DIAPH2: variants seen among roughly 807,000 people sequenced by gnomAD.
DIAPH2 encodes diaphanous related formin 2.
In DIAPH2, 35 loss-of-function variants were observed where a neutral mutation model predicts 92.7. That is an observed-to-expected ratio of 0.38 (90% CI 0.29 to 0.50). The LOEUF is 0.50. Ranked by LOEUF, DIAPH2 falls within the 20% of genes least tolerant of loss-of-function variation. The pLI is 0.94. For missense variants in DIAPH2, 701 were observed against 819.5 expected, an observed-to-expected ratio of 0.86 and a Z score of 1.77; for synonymous variants, 301 against 280.4, an observed-to-expected ratio of 1.07 and a Z score of -0.73.
intron 20 of DIAPH2, among the ~76,000 whole-genome samples, chrX:97,112,307 A>G (rs2066985876): frequency 9.0e-6 from 1 of 111,511 alleles, no homozygotes; most frequent in Admixed American, 9.6e-5. Context: ...CATGGTCACT[A>G]GTAGCTGCTC....
At chrX:96,997,139 A>G (rs911960162) in intron 17 of DIAPH2, among the ~76,000 whole-genome samples, 3 of 111,838 alleles carry the variant, frequency 2.7e-5, no homozygotes, top group African/African-American at 9.7e-5. Context: ...TGTAAAAAAA[A>G]TCTTGGGATT....
Position 96,877,720 on chromosome X carries a change from C to A in DIAPH2, c.448-3859C>A, listed in dbSNP as rs373245857. 6.2e-5 allele frequency among the ~76,000 whole-genome samples: 7 copies of A among 112,307 alleles called. No individual in the cohort carries two copies. The East Asian group carries it at 1.7e-3, about 27-fold the overall frequency. ...TCTTTCTTAGAATATTGCTTCTCTGCTGTTGATTTTAACATTTCATATCAG... is the reference window on the plus strand; with the variant it reads ...TCTTTCTTAGAATATTGCTTCTCTGATGTTGATTTTAACATTTCATATCAG... On this transcript the variant is annotated intron_variant, in intron 4 of 26. Coordinates refer to ENST00000324765, the MANE Select transcript of DIAPH2 (RefSeq NM_006729.5).
intron 26 of DIAPH2, among the ~76,000 whole-genome samples, chrX:97,579,786 C>A (rs1199082432): frequency 5.4e-5 from 6 of 110,564 alleles, no homozygotes; most frequent in Non-Finnish European, 9.4e-5. Flanking sequence ...GATATTGATT[C>A]TTCCTAACCA....
chrX:97,468,362 T>C (rs1449381968), intron 26 of DIAPH2, among the ~76,000 whole-genome samples: 1 of 111,551 alleles, frequency 9.0e-6, no homozygotes, highest in African/African-American at 3.3e-5. Flanking sequence ...TTAGCCCCAG[T>C]ATTTTACCAC....
intron 22 of DIAPH2, among the ~76,000 whole-genome samples, chrX:97,144,302 C>T (rs1023284675): frequency 8.1e-5 from 9 of 110,965 alleles, no homozygotes; most frequent in Admixed American, 2.9e-4. Context: ...CTAGCCTGGG[C>T]GACAGAGCAA....
At chrX:97,546,226 C>T (rs771107552) in intron 26 of DIAPH2, among the ~76,000 whole-genome samples, 10 of 111,782 alleles carry the variant, frequency 8.9e-5, no homozygotes, top group Non-Finnish European at 1.7e-4. Context: ...TATCACAACT[C>T]AGTCTCTAAA....
intron 4 of DIAPH2, among the ~76,000 whole-genome samples, chrX:96,871,342 T>C (rs2065140500): frequency 9.2e-6 from 1 of 108,502 alleles, no homozygotes; most frequent in African/African-American, 3.4e-5. Flanking sequence ...TGGTGGCGGG[T>C]GCCTGTAGTC....
At chrX:96,986,716 A>G (rs923977056) in intron 17 of DIAPH2, among the ~76,000 whole-genome samples, 11 of 111,503 alleles carry the variant, frequency 9.9e-5, no homozygotes, top group African/African-American at 3.6e-4. Context: ...TGAAATTAAT[A>G]GGACTAAAGC....
At position 97,031,293 on chromosome X, in the gene DIAPH2, C is replaced by G. The variant is rs1233672699; in HGVS notation, c.2051-41648C>G. Among the ~76,000 whole-genome samples the G allele has an allele frequency of 4.0e-5, 3 of 75,634 alleles. No individual in the cohort carries two copies. The Admixed American group carries it at 6.6e-4, about 17-fold the overall frequency. 65.7% of individuals were successfully genotyped at this position (75,634 alleles called of 115,157 possible). A position where few individuals can be genotyped will look rare whatever the true frequency, so the allele number is the denominator to read the frequency against. On this transcript the variant is annotated intron_variant, in intron 17 of 26. Coordinates refer to ENST00000324765, the MANE Select transcript of DIAPH2 (RefSeq NM_006729.5). ...TCCATAACTAGTTTTCATCAGAATGCAAAATGATAAAATTTTGAGGAATAA... is the reference window on the plus strand; with the variant it reads ...TCCATAACTAGTTTTCATCAGAATGGAAAATGATAAAATTTTGAGGAATAA...
chrX:96,835,624 T>C (rs990273011), intron 4 of DIAPH2, among the ~76,000 whole-genome samples: 39 of 112,252 alleles, frequency 3.5e-4, no homozygotes, highest in African/African-American at 1.1e-3. Context: ...TATATTCTTA[T>C]AAGATTTTGT....
intron 17 of DIAPH2, among the ~76,000 whole-genome samples, chrX:97,015,384 T>C: frequency 8.9e-6 from 1 of 111,905 alleles, no homozygotes; most frequent in Middle Eastern, 4.6e-3. Context: ...GGTCTTGTTT[T>C]GATTTTCATT....
rs777398536 is a variant in DIAPH2 at position 97,362,702 on chromosome X, G to T, written c.3009+14422G>T. The stretch of plus-strand genomic sequence containing the variant: ...TCAGTAAACTAAAACAGATTTTAAA[G>T]CTCTGCCATCATGGAGCCAAATGTG... On this transcript the variant is annotated intron_variant, in intron 24 of 26. Transcript: ENST00000324765. 2.7e-5 allele frequency among the ~76,000 whole-genome samples: 3 copies of T among 112,309 alleles called. No individual in the cohort carries two copies. The Admixed American group carries it at 2.8e-4, about 11-fold the overall frequency.
intron 23 of DIAPH2, among the ~76,000 whole-genome samples, chrX:97,343,583 C>T (rs866164343): frequency 5.4e-5 from 6 of 110,214 alleles, no homozygotes; most frequent in Non-Finnish European, 1.1e-4. Context: ...GCGGGAGAAT[C>T]GCTTGAACCC....
chrX:96,958,363 G>GA (rs1465995548), intron 16 of DIAPH2, among the ~76,000 whole-genome samples: 1 of 112,094 alleles, frequency 8.9e-6, no homozygotes, highest in African/African-American at 3.2e-5. Flanking sequence ...AAATCGAAGT[G>GA]ATGTAGAGAA....
At chrX:97,070,205 T>C (rs932665377) in intron 17 of DIAPH2, among the ~76,000 whole-genome samples, 1 of 111,417 alleles carries the variant, frequency 9.0e-6, no homozygotes, top group African/African-American at 3.3e-5. Context: ...ATATGTTTTT[T>C]CATTTGTACG....
At chrX:97,532,942 T>A (rs749688528) in intron 26 of DIAPH2, among the ~76,000 whole-genome samples, 1 of 111,774 alleles carries the variant, frequency 8.9e-6, no homozygotes, top group South Asian at 3.8e-4. Context: ...TTAGTCAAAT[T>A]TAATCTTAGT....
intron 16 of DIAPH2, among the ~76,000 whole-genome samples, chrX:96,964,525 C>G (rs1221266751): frequency 8.9e-6 from 1 of 111,773 alleles, no homozygotes; most frequent in Non-Finnish European, 1.9e-5. Flanking sequence ...AAAATCCCAG[C>G]TCTGCCATTT....
intron 22 of DIAPH2, among the ~76,000 whole-genome samples, chrX:97,178,903 A>C (rs1228898181): frequency 2.7e-5 from 3 of 111,115 alleles, no homozygotes; most frequent in Non-Finnish European, 5.7e-5. Context: ...CACAGATTTC[A>C]TTCCTTCCCT....
chrX:97,172,421 T>C (rs2067461019), intron 22 of DIAPH2, among the ~76,000 whole-genome samples: 1 of 111,777 alleles, frequency 8.9e-6, no homozygotes, highest in Admixed American at 9.5e-5. Context: ...GGATCAGAAT[T>C]GACAATCAGG....
Sources: allele counts gnomAD v4.1 joint callset (sites outside exome capture counted in the v4.1 genomes callset), GRCh38; gene constraint gnomAD v4.1.1; transcripts MANE v1.5; gene names NCBI Gene and HGNC (gene_info 2026-07-23, HGNC 2026-07-21).